Variants in VCAN observed in about 807,000 individuals in gnomAD.
VCAN encodes the protein versican core protein.
A neutral mutation model predicts 245.5 loss-of-function variants in VCAN; 44 were observed. The ratio of observed to expected loss-of-function variants is 0.18; its 90% CI spans 0.14 to 0.23. The LOEUF is 0.23. VCAN is among the 10% of genes least tolerant of loss of function. The pLI is 1.00. For missense variants in VCAN, 3,793 were observed against 4,057.9 expected (o/e 0.93, Z 1.77); for synonymous variants, 1,413 against 1,437.0 (o/e 0.98, Z 0.38).
chr5:83,487,391 A>G (rs891960329), intron 2 of VCAN, among the ~76,000 whole-genome samples: 3 of 152,158 alleles, frequency 2.0e-5, no homozygotes, highest in Non-Finnish European at 4.4e-5. Context: ...TTGGACCACA[A>G]ACCATCTGGT....
intron 12 of VCAN, among the ~76,000 whole-genome samples, chr5:83,568,716 A>T (rs984536680): frequency 6.6e-6 from 1 of 152,228 alleles, no homozygotes; most frequent in African/African-American, 2.4e-5. Flanking sequence ...TGAGAAATGC[A>T]CATATCATTT....
intron 5 of VCAN, among the ~76,000 whole-genome samples, chr5:83,500,791 T>C (rs1186211730): frequency 6.6e-6 from 1 of 152,092 alleles, no homozygotes; most frequent in African/African-American, 2.4e-5. Flanking sequence ...AAATCATAAT[T>C]CTTATTTGAG....
intron 13 of VCAN, among the ~76,000 whole-genome samples, chr5:83,579,241 G>C (rs1301412798): frequency 8.6e-6 from 1 of 116,098 alleles, no homozygotes; most frequent in Non-Finnish European, 1.9e-5. Context: ...TTTTTTGTTT[G>C]TTTGTTTGTT....
At chr5:83,576,575 G>A (rs371621511) in intron 13 of VCAN, among the ~76,000 whole-genome samples, 2 of 152,052 alleles carry the variant, frequency 1.3e-5, no homozygotes, top group African/African-American at 4.8e-5. Context: ...GTTTCTGTAG[G>A]ATATATTTCC....
At chr5:83,536,421 G>C (rs1359546284) in intron 7 of VCAN, 1 of 152,132 alleles carries the variant, frequency 6.6e-6, no homozygotes, top group Non-Finnish European at 1.5e-5. Flanking sequence ...TATAAATAAA[G>C]CTCTCTTGTT....
intron 12 of VCAN, among the ~76,000 whole-genome samples, chr5:83,565,568 A>G (rs984563948): frequency 1.6e-4 from 25 of 152,300 alleles, no homozygotes; most frequent in Admixed American, 1.6e-3. Flanking sequence ...AGAAATAGAA[A>G]GATTCTAAAC....
intron 6 of VCAN, among the ~76,000 whole-genome samples, chr5:83,516,131 A>G (rs542739546): frequency 6.6e-6 from 1 of 151,904 alleles, no homozygotes; most frequent in Non-Finnish European, 1.5e-5. Context: ...CCTAACCCAA[A>G]CCCTAACCCT....
intron 5 of VCAN, among the ~76,000 whole-genome samples, chr5:83,497,701 A>C (rs1225718154): frequency 1.3e-5 from 2 of 152,204 alleles, no homozygotes; most frequent in African/African-American, 4.8e-5. Context: ...GTTTCCCAGT[A>C]AGACAGATTT....
At chr5:83,503,873 A>G (rs1380944746) in intron 5 of VCAN, among the ~76,000 whole-genome samples, 3 of 152,182 alleles carry the variant, frequency 2.0e-5, no homozygotes, top group Non-Finnish European at 4.4e-5. Context: ...CTCTTTAATC[A>G]TATTGTTGAG....
intron 5 of VCAN, among the ~76,000 whole-genome samples, chr5:83,496,785 C>T (rs554873788): frequency 6.6e-6 from 1 of 152,280 alleles, no homozygotes; most frequent in East Asian, 1.9e-4. Flanking sequence ...TCTTGTAAGG[C>T]TTCTCTCATT....
At chr5:83,486,924 G>A (rs1744810729) in intron 2 of VCAN, among the ~76,000 whole-genome samples, 1 of 152,154 alleles carries the variant, frequency 6.6e-6, no homozygotes, top group Non-Finnish European at 1.5e-5. Flanking sequence ...GTCAAGACAA[G>A]TACTTTCATC....
At chr5:83,510,678 T>G (rs572081906) in intron 5 of VCAN, among the ~76,000 whole-genome samples, 1 of 152,376 alleles carries the variant, frequency 6.6e-6, no homozygotes, top group Admixed American at 6.5e-5. Context: ...TTCAGCAAAC[T>G]GTTATGTTAG....
rs752564461 is a variant in VCAN at position 83,538,639 on chromosome 5, C to T, written c.5636C>T (p.Ser1879Phe). 4 of 1,614,084 alleles carry T rather than the reference C, an allele frequency of 2.5e-6. No homozygotes were observed. The highest frequency in any genetic ancestry group is 3.4e-6 in the Non-Finnish European group (4 of 1,179,976). ...TLSPHVETTF[S>F]TEPTGLVLST... Reference sequence around the variant, plus strand: ...TCTCCGCATGTGGAAACTACATTCTCCACTGAGCCAACAGGACTGGTTTTG... The same window carrying T: ...TCTCCGCATGTGGAAACTACATTCTTCACTGAGCCAACAGGACTGGTTTTG... Residue 1879 changes from serine (S) to phenylalanine (F), a missense_variant, in exon 8 of 15, where the codon TCC becomes TTC. Around this residue, in one of 5 missense-constraint regions of VCAN, gnomAD observed 3,182 missense variants for 3,250.3 expected, o/e 0.98. Transcript: ENST00000265077.
At chr5:83,519,164 A>C (rs189333339) in intron 6 of VCAN, among the ~76,000 whole-genome samples, 185 bp from the exon 7 acceptor site, 45 of 152,298 alleles carry the variant, frequency 3.0e-4, no homozygotes, top group African/African-American at 1.1e-3. Context: ...TATGACTATT[A>C]AGTGTTCAAT....
intron 12 of VCAN, among the ~76,000 whole-genome samples, chr5:83,570,776 G>A (rs1221903130): frequency 6.6e-6 from 1 of 150,472 alleles, no homozygotes; most frequent in Non-Finnish European, 1.5e-5. Flanking sequence ...CTTAAAAATA[G>A]TGATAGTACT....
rs769075407 is a variant in VCAN at position 83,537,527 on chromosome 5, G to A, written c.4524G>A (p.Glu1508=). The A allele has an allele frequency of 9.3e-6, 15 of 1,613,898 alleles. No individual in the cohort carries two copies. The East Asian group carries it at 2.9e-4, about 31-fold the overall frequency. Residue 1508 remains glutamate, a synonymous_variant, in exon 8 of 15, where the codon GAG becomes GAA. Coordinates refer to ENST00000265077, the MANE Select transcript of VCAN (RefSeq NM_004385.5). ...PDVFPTVPFH[E]EFESGTAKKG... ...TTTTCCCCACAGTCCCATTCCATGAGGAATTTGAAAGTGGAACAGCCAAAA... is the reference window on the plus strand; with the variant it reads ...TTTTCCCCACAGTCCCATTCCATGAAGAATTTGAAAGTGGAACAGCCAAAA...
chr5:83,544,643 T>C (rs1012437325), intron 8 of VCAN, among the ~76,000 whole-genome samples: 1 of 152,160 alleles, frequency 6.6e-6, no homozygotes, highest in Non-Finnish European at 1.5e-5. Context: ...GATTTAGAAA[T>C]GTAAGCAAGT....
chr5:83,580,475 A>C lies in VCAN; in HGVS notation c.*41A>C. On this transcript the variant is annotated 3_prime_UTR_variant, in exon 15 of 15. Coordinates refer to ENST00000265077, the MANE Select transcript of VCAN (RefSeq NM_004385.5). ...ACATGTGTTTTCATCATTTCAGCCA[A>C]AGTCCTAACTTCCTGTGCCTTTCCT... is the stretch of plus-strand genomic sequence containing the variant. The C allele has an allele frequency of 6.2e-7, 1 of 1,612,024 alleles. No homozygotes were observed. The highest frequency in any genetic ancestry group is 8.5e-7 in the Non-Finnish European group (1 of 1,178,980).
chr5:83,564,193 TA>T (rs1255206413), intron 12 of VCAN, among the ~76,000 whole-genome samples: 2 of 152,170 alleles, frequency 1.3e-5, no homozygotes, highest in African/African-American at 4.8e-5. Flanking sequence ...TTTTTATTTT[TA>T]TTTTTTTATT....
Sources: gnomAD v4.1 joint callset for allele counts (sites outside exome capture counted in the v4.1 genomes callset) on GRCh38, gnomAD v4.1.1 for gene constraint, gnomAD v4.1.1 regional missense constraint, MANE v1.5 for transcripts, NCBI Gene and HGNC (gene_info 2026-07-23, HGNC 2026-07-21) for gene names.